Variants in SLC14A2 observed in about 807,000 individuals in gnomAD.
The protein encoded by SLC14A2 is urea transporter 2.
In SLC14A2, 91 loss-of-function variants were observed where a neutral mutation model predicts 104.6. The observed-to-expected ratio is 0.87, with a 90% CI of 0.73 to 1.04. The LOEUF (loss-of-function observed/expected upper bound fraction) is 1.04. Ranked by LOEUF, SLC14A2 falls within the 50% of genes least tolerant of loss-of-function variation. The pLI, the probability that SLC14A2 is intolerant of heterozygous loss-of-function variation, is 0.00. For synonymous variants in SLC14A2, 476 were observed against 466.4 expected (o/e 1.02, Z -0.27); for missense variants, 1,189 against 1,156.0 (o/e 1.03, Z -0.41).
rs151319242 is a variant in SLC14A2 at position 45,673,790 on chromosome 18, C to T, written c.2485C>T (p.Gln829Ter). The T allele has an allele frequency of 1.2e-5, 20 of 1,614,056 alleles. No individual in the cohort carries two copies. Among genetic ancestry groups the T allele is most frequent in the Non-Finnish European group, 1.7e-5 (20 of 1,179,980 alleles). ...IGGMFYVITW[Q>*]THLLAIACAL... Reference sequence around the variant, plus strand: ...AGGCATGTTCTACGTCATCACCTGGCAGACGCACCTCCTCGCCATCGCCTG... The same window carrying T: ...AGGCATGTTCTACGTCATCACCTGGTAGACGCACCTCCTCGCCATCGCCTG... The change falls in exon 18 of 20, where the codon CAG becomes TAG. Residue 829 changes from glutamine (Q) to a stop codon, truncating the protein, a stop_gained. Transcript: ENST00000255226. LOFTEE classifies it high-confidence loss of function.
chr18:45,196,284 A>T, the SLC14A2 span, among the ~76,000 whole-genome samples: 2 of 152,234 alleles, frequency 1.3e-5, no homozygotes. Flanking sequence ...GCACCACATT[A>T]GTTACGAGTT....
intron 4 of SLC14A2, among the ~76,000 whole-genome samples, chr18:45,629,848 A>G (rs2045317773): frequency 6.6e-6 from 1 of 152,322 alleles, no homozygotes; most frequent in Admixed American, 6.5e-5. Context: ...TTGGCTCCCC[A>G]AGTGTCATTT....
At chr18:45,390,163 A>C (rs1276961793) in intron 1 of SLC14A2, among the ~76,000 whole-genome samples, 1 of 152,170 alleles carries the variant, frequency 6.6e-6, no homozygotes. Flanking sequence ...GACAGGACAA[A>C]AATCGACACG....
intron 1 of SLC14A2, among the ~76,000 whole-genome samples, chr18:45,249,503 G>T (rs1006830906): frequency 6.6e-6 from 1 of 152,142 alleles, no homozygotes; most frequent in Non-Finnish European, 1.5e-5. Flanking sequence ...TCTCAGAGAG[G>T]TTGAGTAACT....
chr18:45,643,090 G>A (rs1480707764), intron 8 of SLC14A2, 42 bp from the exon 9 acceptor site: 1 of 1,604,126 alleles, frequency 6.2e-7, no homozygotes, highest in Non-Finnish European at 8.5e-7. Context: ...TTAGGGGGAA[G>A]GCCCTGGGAA....
chr18:45,648,751 A>G (rs912353237), intron 10 of SLC14A2, among the ~76,000 whole-genome samples: 2 of 151,572 alleles, frequency 1.3e-5, no homozygotes, highest in Admixed American at 6.6e-5. Context: ...CTAATATACT[A>G]GTTTTTTTCT....
chr18:45,641,159 T>C (rs1032804324), intron 7 of SLC14A2, 50 bp from the exon 8 acceptor site: 2 of 1,601,868 alleles, frequency 1.2e-6, no homozygotes, highest in Non-Finnish European at 1.7e-6. Flanking sequence ...CAGGGTGGTC[T>C]TTGTTCTGTG....
intron 1 of SLC14A2, among the ~76,000 whole-genome samples, chr18:45,383,258 G>C (rs1378528447): frequency 6.6e-6 from 1 of 152,172 alleles, no homozygotes; most frequent in African/African-American, 2.4e-5. Context: ...AGAAGCACCA[G>C]GGAGATTCTA....
intron 1 of SLC14A2, among the ~76,000 whole-genome samples, chr18:45,320,092 T>C (rs1444042620): frequency 6.6e-6 from 1 of 152,238 alleles, no homozygotes; most frequent in Non-Finnish European, 1.5e-5. Context: ...GCCTCAGTTT[T>C]CCAGTTTGTT....
At chr18:45,350,407 C>T (rs1019380326) in intron 1 of SLC14A2, among the ~76,000 whole-genome samples, 4 of 152,170 alleles carry the variant, frequency 2.6e-5, no homozygotes, top group East Asian at 1.9e-4. Flanking sequence ...AGGGACAGCA[C>T]GTTCATCACA....
chr18:45,298,094 T>G (rs1568140857), intron 1 of SLC14A2, among the ~76,000 whole-genome samples: 1 of 152,218 alleles, frequency 6.6e-6, no homozygotes, highest in Admixed American at 6.5e-5. Flanking sequence ...ATAATCATAA[T>G]ATAATATCTT....
At chr18:45,509,252 GTC>G (rs1387014051) in intron 2 of SLC14A2, among the ~76,000 whole-genome samples, 1 of 151,982 alleles carries the variant, frequency 6.6e-6, no homozygotes, top group African/African-American at 2.4e-5. Context: ...AAATCTCCCT[GTC>G]TCTGCCTAAA....
chr18:45,490,546 G>A (rs2042979097), intron 2 of SLC14A2, among the ~76,000 whole-genome samples: 1 of 152,098 alleles, frequency 6.6e-6, no homozygotes, highest in Admixed American at 6.5e-5. Context: ...AATAATATCT[G>A]ATTAAGAAAA....
At chr18:45,408,649 C>T (rs138480098) in intron 1 of SLC14A2, among the ~76,000 whole-genome samples, 150 of 152,146 alleles carry the variant, frequency 9.9e-4, no homozygotes, top group African/African-American at 3.2e-3. Context: ...ATTAATACAG[C>T]GGGGAAGTCT....
intron 2 of SLC14A2, among the ~76,000 whole-genome samples, chr18:45,486,928 A>G (rs571055902): frequency 1.9e-3 from 285 of 152,364 alleles, no homozygotes; most frequent in Middle Eastern, 6.8e-3. Context: ...ATTAAGGCTC[A>G]GACCAGTGAA....
At chr18:45,202,357 G>GT in the SLC14A2 span, among the ~76,000 whole-genome samples, 1 of 152,088 alleles carries the variant, frequency 6.6e-6, no homozygotes, top group Non-Finnish European at 1.5e-5. Flanking sequence ...CTAATGTAAG[G>GT]TTTTCAGAAT....
chr18:45,238,621 G>A (rs981746672), intron 1 of SLC14A2, among the ~76,000 whole-genome samples: 1 of 152,190 alleles, frequency 6.6e-6, no homozygotes, highest in Non-Finnish European at 1.5e-5. Context: ...ATGTGTAAAT[G>A]TTTGGGATTG....
intron 1 of SLC14A2, among the ~76,000 whole-genome samples, chr18:45,307,826 G>C (rs1013061097): frequency 6.6e-6 from 1 of 152,224 alleles, no homozygotes; most frequent in African/African-American, 2.4e-5. Flanking sequence ...TAGTTAGTTT[G>C]TGTTGCCACA....
chr18:45,551,457 C>T (rs920327058), intron 2 of SLC14A2, among the ~76,000 whole-genome samples: 7 of 152,240 alleles, frequency 4.6e-5, no homozygotes, highest in Admixed American at 1.3e-4. Context: ...AAACAGCTAC[C>T]GCTGTTGGGA....
Sources: allele counts gnomAD v4.1 joint callset (sites outside exome capture counted in the v4.1 genomes callset), GRCh38; gene constraint gnomAD v4.1.1; transcripts MANE v1.5; gene names NCBI Gene and HGNC (gene_info 2026-07-23, HGNC 2026-07-21).